Variants in NRG1 observed in about 807,000 individuals in gnomAD.
NRG1 encodes the protein pro-neuregulin-1, membrane-bound isoform.
NRG1 carries 18 observed loss-of-function variants against 63.8 expected under a neutral mutation model. The ratio of observed to expected loss-of-function variants is 0.28; its 90% CI spans 0.19 to 0.42. NRG1 has a LOEUF of 0.42. NRG1 is among the 10% of genes least tolerant of loss of function. The pLI is 1.00. For synonymous variants in NRG1, 302 were observed against 301.3 expected, an observed-to-expected ratio of 1.00 and a Z score of -0.02; for missense variants, 762 against 814.7, an observed-to-expected ratio of 0.94 and a Z score of 0.79.
chr8:32,683,606 G>C (rs1040644239), intron 5 of NRG1, among the ~76,000 whole-genome samples: 1 of 152,054 alleles, frequency 6.6e-6, no homozygotes, highest in Non-Finnish European at 1.5e-5. Context: ...CCAGGAGAAG[G>C]GTTGCCTCAT....
intron 7 of NRG1, chr8:32,743,216 A>T: frequency 6.1e-6 from 6 of 985,810 alleles, no homozygotes; most frequent in Non-Finnish European, 7.2e-6. Context: ...AAATAAACAT[A>T]ATAAAAGGAG....
intron 1 of NRG1, among the ~76,000 whole-genome samples, chr8:32,044,657 CA>C (rs1416555785): frequency 6.6e-6 from 1 of 150,736 alleles, no homozygotes; most frequent in Admixed American, 6.6e-5. Context: ...TGACAGATGC[CA>C]GGGGAAAAAA....
chr8:32,333,136 G>T (rs1212075319), intron 1 of NRG1, among the ~76,000 whole-genome samples: 1 of 152,110 alleles, frequency 6.6e-6, no homozygotes, highest in Non-Finnish European at 1.5e-5. Context: ...AAAAAGACAG[G>T]TTAAAAATCT....
chr8:32,394,513 C>CA (rs1405230859), intron 1 of NRG1, among the ~76,000 whole-genome samples: 1 of 152,176 alleles, frequency 6.6e-6, no homozygotes, highest in Non-Finnish European at 1.5e-5. Context: ...CAGCAACCTA[C>CA]AAAGTCAATC....
At chr8:32,499,170 G>C (rs1827566254) in intron 1 of NRG1, among the ~76,000 whole-genome samples, 1 of 152,156 alleles carries the variant, frequency 6.6e-6, no homozygotes, top group East Asian at 1.9e-4. Flanking sequence ...ACTGGAAATA[G>C]GTCAGTCAAC....
intron 5 of NRG1, among the ~76,000 whole-genome samples, chr8:32,692,977 A>T (rs898421117): frequency 2.0e-5 from 3 of 152,090 alleles, no homozygotes; most frequent in Non-Finnish European, 4.4e-5. Flanking sequence ...CTACAAACAA[A>T]TTTTCATAGT....
intron 1 of NRG1, among the ~76,000 whole-genome samples, chr8:32,199,937 G>A (rs1427353601): frequency 6.6e-6 from 1 of 151,998 alleles, no homozygotes; most frequent in Admixed American, 6.6e-5. Context: ...GCACCATCAT[G>A]CCCAACTAAT....
chr8:32,231,524 T>C (rs1846940396), intron 1 of NRG1, among the ~76,000 whole-genome samples: 1 of 152,202 alleles, frequency 6.6e-6, no homozygotes, highest in Admixed American at 6.5e-5. Flanking sequence ...ATTCCTTTCT[T>C]TAGTTTATAT....
At chr8:32,095,037 AAGT>A (rs1259806428) in intron 1 of NRG1, among the ~76,000 whole-genome samples, 2 of 151,052 alleles carry the variant, frequency 1.3e-5, no homozygotes, top group Non-Finnish European at 2.9e-5. Flanking sequence ...TTAGCCTCCC[AAGT>A]AGCTGGGATT....
At chr8:31,705,801 C>T (rs1811091247) in intron 1 of NRG1, among the ~76,000 whole-genome samples, 1 of 152,166 alleles carries the variant, frequency 6.6e-6, no homozygotes, top group South Asian at 2.1e-4. Context: ...ATATTCTATG[C>T]TTTCAGAAAG....
chr8:31,943,503 A>G (rs966383468), intron 1 of NRG1, among the ~76,000 whole-genome samples: 7 of 151,216 alleles, frequency 4.6e-5, no homozygotes, highest in African/African-American at 1.7e-4. Context: ...CATGTAACCA[A>G]TCACCCCCTG....
intron 1 of NRG1, among the ~76,000 whole-genome samples, chr8:31,813,757 G>C (rs1207573045): frequency 6.6e-6 from 1 of 151,790 alleles, no homozygotes; most frequent in African/African-American, 2.4e-5. Flanking sequence ...GAACTCCTCG[G>C]CTCAAGTGAT....
chr8:32,544,229 C>A (rs1832842204), upstream of NRG1, among the ~76,000 whole-genome samples: 1 of 152,196 alleles, frequency 6.6e-6, no homozygotes. Context: ...GCTTACTCTT[C>A]AGGGACTCTG....
intron 1 of NRG1, among the ~76,000 whole-genome samples, chr8:32,229,341 T>C (rs1413218427): frequency 6.6e-6 from 1 of 152,188 alleles, no homozygotes; most frequent in Non-Finnish European, 1.5e-5. Context: ...AGCTTTAAAT[T>C]GACAGCTTTT....
chr8:32,091,295 A>G (rs143613639), intron 1 of NRG1, among the ~76,000 whole-genome samples: 1,643 of 151,870 alleles, frequency 0.011, 37 homozygotes, highest in African/African-American at 0.038. Flanking sequence ...AAAAAAAAGA[A>G]GTAATTGGAT....
chr8:32,047,238 A>G (rs1377775305), intron 1 of NRG1, among the ~76,000 whole-genome samples: 1 of 152,072 alleles, frequency 6.6e-6, no homozygotes, highest in Non-Finnish European at 1.5e-5. Context: ...CCCAAGGCAC[A>G]TTTGGTTTTC....
chr8:31,982,078 A>G (rs1326861771), intron 1 of NRG1, among the ~76,000 whole-genome samples: 1 of 151,828 alleles, frequency 6.6e-6, no homozygotes, highest in African/African-American at 2.4e-5. Context: ...CAGCTCAAGG[A>G]GACAGTGGGA....
chr8:32,307,042 G>T (rs761891063), intron 1 of NRG1, among the ~76,000 whole-genome samples: 3 of 152,136 alleles, frequency 2.0e-5, no homozygotes, highest in Non-Finnish European at 4.4e-5. Context: ...GCTTTAGGGA[G>T]CATTTACTAA....
At chr8:31,674,082 A>C (rs935430847) in intron 1 of NRG1, among the ~76,000 whole-genome samples, 2 of 152,176 alleles carry the variant, frequency 1.3e-5, no homozygotes, top group African/African-American at 2.4e-5. Flanking sequence ...CAGTTAGTGT[A>C]AAGTTATTGA....
Sources: gnomAD v4.1 joint callset for allele counts (sites outside exome capture counted in the v4.1 genomes callset) on GRCh38, gnomAD v4.1.1 for gene constraint, MANE v1.5 for transcripts, NCBI Gene and HGNC (gene_info 2026-07-23, HGNC 2026-07-21) for gene names.